CRACD: variants seen among roughly 807,000 people sequenced by gnomAD.
CRACD encodes the protein capping protein inhibiting regulator of actin dynamics.
Under a neutral mutation model 106.8 loss-of-function variants are expected in CRACD, and 56 were observed. The ratio of observed to expected loss-of-function variants is 0.52; its 90% confidence interval spans 0.42 to 0.66. The LOEUF (loss-of-function observed/expected upper bound fraction) is 0.66. Among genes scored for constraint, CRACD ranks in the 30% least tolerant of loss-of-function variants. The pLI is 0.00. For missense variants in CRACD, 1,730 were observed against 1,623.2 expected (o/e 1.07, Z -1.13); for synonymous variants, 754 against 670.8 (o/e 1.12, Z -1.92).
chr4:56,229,486 A>T (rs1739490214), intron 2 of CRACD, among the ~76,000 whole-genome samples: 1 of 152,176 alleles, frequency 6.6e-6, no homozygotes, highest in African/African-American at 2.4e-5. Context: ...ATAAGAAATA[A>T]ATGTTTATTG....
intron 2 of CRACD, among the ~76,000 whole-genome samples, chr4:56,256,149 A>G (rs1741342672): frequency 1.3e-5 from 2 of 152,202 alleles, no homozygotes; most frequent in Non-Finnish European, 2.9e-5. Flanking sequence ...CTTGAATTGT[A>G]GCACCCATAA....
At chr4:56,235,417 G>A (rs1351779461) in intron 2 of CRACD, among the ~76,000 whole-genome samples, 1 of 152,186 alleles carries the variant, frequency 6.6e-6, no homozygotes, top group African/African-American at 2.4e-5. Flanking sequence ...AAAGAGATTA[G>A]CATGTTCTGT....
intron 2 of CRACD, among the ~76,000 whole-genome samples, chr4:56,202,601 G>A (rs1737936838): frequency 6.6e-6 from 1 of 152,172 alleles, no homozygotes; most frequent in Admixed American, 6.5e-5. Context: ...TTTGAGCTAG[G>A]CTAACAAAGT....
chr4:56,210,706 A>G (rs1442729308), intron 2 of CRACD, among the ~76,000 whole-genome samples: 1 of 152,234 alleles, frequency 6.6e-6, no homozygotes. Flanking sequence ...TTACAAATGA[A>G]GATTTCCTTT....
rs957756409 is a variant in CRACD, at chr4:56,329,042, A to G, written c.*1238A>G. On this transcript the variant is annotated 3_prime_UTR_variant, in exon 11 of 11. Transcript: ENST00000682029. ...TCCAGTAGCATTTCTAATTTTGAGCATTCACCTTGCTACCTTTAAAAAACA... is the reference window on the plus strand; with the variant it reads ...TCCAGTAGCATTTCTAATTTTGAGCGTTCACCTTGCTACCTTTAAAAAACA... Among the ~76,000 whole-genome samples, 3 of 152,204 alleles carry G rather than the reference A, an allele frequency of 2.0e-5. No homozygotes were observed. The highest frequency in any genetic ancestry group is 4.8e-5 in the African/African-American group (2 of 41,456).
At chr4:56,052,145 T>A (rs1731900512) in intron 1 of CRACD, among the ~76,000 whole-genome samples, 1 of 152,188 alleles carries the variant, frequency 6.6e-6, no homozygotes, top group African/African-American at 2.4e-5. Context: ...TGCCTTGGCC[T>A]CCCAAAATAC....
At chr4:56,223,246 A>C (rs1466992584) in intron 2 of CRACD, among the ~76,000 whole-genome samples, 1 of 148,734 alleles carries the variant, frequency 6.7e-6, no homozygotes. Flanking sequence ...TCCTAATAAC[A>C]CCTTGAGTTT....
Position 56,314,686 on chromosome 4 carries a change from G to T in CRACD, c.1184G>T (p.Gly395Val). 1.3e-6 allele frequency: 2 copies of T among 1,552,944 alleles called. No individual in the cohort carries two copies. Among genetic ancestry groups the T allele is most frequent in the Non-Finnish European group, 1.7e-6 (2 of 1,148,286 alleles). Residue 395 changes from glycine (G) to valine (V), a missense_variant, in exon 8 of 11, where the codon GGC becomes GTC. Coordinates refer to ENST00000682029, the MANE Select transcript of CRACD (RefSeq NM_001393381.1). The surrounding 1 kb of genome is among the most constrained non-coding windows in gnomAD (Gnocchi z 4.4). ...ALEETGEGRR[G>V]AEEEDLGEEE... ...GAGGAGACTGGGGAGGGCCGGCGGG[G>T]CGCGGAGGAGGAGGATCTGGGGGAA...
chr4:56,073,198 T>C (rs1732724688), intron 1 of CRACD, among the ~76,000 whole-genome samples: 2 of 152,230 alleles, frequency 1.3e-5, no homozygotes, highest in Admixed American at 1.3e-4. Flanking sequence ...TCCACAATGA[T>C]TGAACTAGTT....
chr4:56,241,772 C>T (rs765631258), intron 2 of CRACD, among the ~76,000 whole-genome samples: 3 of 151,978 alleles, frequency 2.0e-5, no homozygotes, highest in Non-Finnish European at 2.9e-5. Context: ...GGTGATCAGG[C>T]GATCAAGGAA....
chr4:56,232,917 C>T (rs987027040), intron 2 of CRACD, among the ~76,000 whole-genome samples: 4 of 151,568 alleles, frequency 2.6e-5, no homozygotes, highest in Non-Finnish European at 4.4e-5. Context: ...TTAGTACAGA[C>T]GGGGTTTCAC....
chr4:56,324,350 T>A, intron 10 of CRACD, 84 bp downstream of exon 10: 1 of 1,300,246 alleles, frequency 7.7e-7, no homozygotes, highest in Non-Finnish European at 1.1e-6. Context: ...GTGTAATGAC[T>A]AGCAGAGCAC....
rs1745455968 is a variant in CRACD, at chr4:56,314,795, A to G, written c.1293A>G (p.Glu431=). The G allele has an allele frequency of 1.2e-6, 2 of 1,602,208 alleles. No individual in the cohort carries two copies. The highest frequency in any genetic ancestry group is 1.3e-5 in the African/African-American group (1 of 74,998). ...ELLNDFEERL[E]DQERLKPEGQ... ...TGAACGACTTTGAGGAGAGGCTCGA[A>G]GACCAGGAACGCCTGAAACCCGAAG... is the stretch of plus-strand genomic sequence containing the variant. The change falls in exon 8 of 11, where the codon GAA becomes GAG. Residue 431 remains glutamate (E), a synonymous_variant. Coordinates refer to ENST00000682029, the MANE Select transcript of CRACD (RefSeq NM_001393381.1). This position sits in a 1 kb window ranked among gnomAD's most constrained non-coding sequence, Gnocchi z 4.4.
At chr4:56,074,763 C>T (rs113763902) in intron 1 of CRACD, among the ~76,000 whole-genome samples, 4,475 of 151,970 alleles carry the variant, frequency 0.029, 127 homozygotes, top group East Asian at 0.078. Flanking sequence ...TGTCTTGTGC[C>T]GGTTTTCAAA....
At chr4:56,070,442 G>A (rs1448509863) in intron 1 of CRACD, among the ~76,000 whole-genome samples, 2 of 152,142 alleles carry the variant, frequency 1.3e-5, no homozygotes, top group Non-Finnish European at 2.9e-5. Context: ...TGGGACTACA[G>A]GCGCCCGCCA....
chr4:56,281,390 T>G (rs1380200815), intron 3 of CRACD, among the ~76,000 whole-genome samples: 1 of 152,066 alleles, frequency 6.6e-6, no homozygotes, highest in Non-Finnish European at 1.5e-5. Context: ...AACCGGTTCC[T>G]GGTGCTGAAA....
intron 1 of CRACD, among the ~76,000 whole-genome samples, chr4:56,178,710 G>C (rs187864226): frequency 7.2e-5 from 11 of 152,260 alleles, no homozygotes; most frequent in Admixed American, 6.5e-4. Context: ...GCTTTGCAAA[G>C]GGCCTGTGTT....
intron 2 of CRACD, among the ~76,000 whole-genome samples, chr4:56,195,399 C>T (rs1737557500): frequency 6.6e-6 from 1 of 151,864 alleles, no homozygotes; most frequent in Admixed American, 6.6e-5. Context: ...TAAATGAATG[C>T]TTCAAAAATG....
At chr4:56,220,790 A>G (rs114194817) in intron 2 of CRACD, among the ~76,000 whole-genome samples, 1 of 152,186 alleles carries the variant, frequency 6.6e-6, no homozygotes, top group Non-Finnish European at 1.5e-5. Flanking sequence ...GACTGTGGGC[A>G]TAGTGGATAG....
Sources: allele counts gnomAD v4.1 joint callset (sites outside exome capture counted in the v4.1 genomes callset), GRCh38; gene constraint gnomAD v4.1.1; non-coding constraint Gnocchi (gnomAD v3.1); transcripts MANE v1.5; gene names NCBI Gene and HGNC (gene_info 2026-07-23, HGNC 2026-07-21).